The following SLC4A4 variants were observed in gnomAD, a reference collection of about 807,000 sequenced individuals.
SLC4A4 encodes the protein electrogenic sodium bicarbonate cotransporter 1.
In SLC4A4, 27 loss-of-function variants were observed where a neutral mutation model predicts 111.5. The observed-to-expected ratio is 0.24, with a 90% CI of 0.18 to 0.33. The LOEUF (loss-of-function observed/expected upper bound fraction) is 0.33, where lower values mean the gene tolerates loss of function less well. Ranked by LOEUF, SLC4A4 falls within the 10% of genes least tolerant of loss-of-function variation. The pLI, the probability that SLC4A4 is intolerant of heterozygous loss-of-function variation, is 1.00. For missense variants in SLC4A4, 909 were observed against 1,315.5 expected, an observed-to-expected ratio of 0.69 and a Z score of 4.78; for synonymous variants, 443 against 463.4, an observed-to-expected ratio of 0.96 and a Z score of 0.57.
chr4:71,482,433 G>C (rs892048766), intron 14 of SLC4A4, among the ~76,000 whole-genome samples: 1 of 151,554 alleles, frequency 6.6e-6, no homozygotes, highest in Admixed American at 6.6e-5. Context: ...CAGAATTGAT[G>C]CTTATCCAAA....
At chr4:71,084,053 A>G (rs1246753824) in intron 1 of SLC4A4, among the ~76,000 whole-genome samples, 2 of 151,604 alleles carry the variant, frequency 1.3e-5, no homozygotes, top group East Asian at 3.9e-4. Context: ...TGTGTGTTCA[A>G]AAAGGGATGA....
At chr4:71,335,592 G>A (rs180843234) in intron 3 of SLC4A4, among the ~76,000 whole-genome samples, 6 of 152,260 alleles carry the variant, frequency 3.9e-5, no homozygotes, top group East Asian at 1.9e-4. Flanking sequence ...TTGGAGGGCC[G>A]AGGAGCGGGG....
intron 16 of SLC4A4, among the ~76,000 whole-genome samples, chr4:71,527,633 T>C (rs1160011287): frequency 6.6e-6 from 1 of 151,844 alleles, no homozygotes; most frequent in Non-Finnish European, 1.5e-5. Flanking sequence ...CCTATGGGAA[T>C]TTCTGCCAAA....
intron 2 of SLC4A4, among the ~76,000 whole-genome samples, chr4:71,111,524 G>GTTTTTTTTTTT (rs150777420): frequency 1.2e-4 from 7 of 60,818 alleles, no homozygotes; most frequent in Non-Finnish European, 1.4e-4. Flanking sequence ...CCACGCTCAG[G>GTTTTTTTTTTT]TTTTTTTTTT....
intron 1 of SLC4A4, among the ~76,000 whole-genome samples, chr4:71,208,095 C>T (rs1717890120): frequency 1.3e-5 from 2 of 152,188 alleles, no homozygotes; most frequent in African/African-American, 2.4e-5. Context: ...AGATCTGAGC[C>T]ACTGTGCCTG....
intron 14 of SLC4A4, among the ~76,000 whole-genome samples, chr4:71,478,657 T>C (rs1469784840): frequency 6.6e-6 from 1 of 151,158 alleles, no homozygotes; most frequent in African/African-American, 2.4e-5. Context: ...TACCTAATGA[T>C]GGGTTGATGG....
intron 1 of SLC4A4, among the ~76,000 whole-genome samples, chr4:71,222,990 A>T (rs780868376): frequency 2.6e-5 from 4 of 152,122 alleles, no homozygotes; most frequent in Non-Finnish European, 4.4e-5. Flanking sequence ...TGGAAATTAG[A>T]TGCTGTGTGA....
intron 2 of SLC4A4, among the ~76,000 whole-genome samples, chr4:71,158,965 G>T (rs1445614869): frequency 2.0e-5 from 3 of 152,076 alleles, no homozygotes; most frequent in Non-Finnish European, 1.5e-5. Flanking sequence ...TGAAATACCT[G>T]GGTGGATTTC....
At chr4:71,100,713 A>T (rs926839668) in intron 2 of SLC4A4, among the ~76,000 whole-genome samples, 1 of 152,202 alleles carries the variant, frequency 6.6e-6, no homozygotes, top group African/African-American at 2.4e-5. Context: ...GTCTCACCCC[A>T]AAAGCTCCTT....
rs992739679 is a variant in SLC4A4 at position 71,570,880 on chromosome 4, T to C, written c.*3129T>C. The C allele has an allele frequency of 2.0e-5, 3 of 152,072 alleles. No homozygotes were observed. Among genetic ancestry groups the C allele is most frequent in the Non-Finnish European group, 4.4e-5 (3 of 67,874 alleles). 9.4% of individuals were successfully genotyped at this position (152,072 alleles called of 1,614,324 possible). A position where few individuals can be genotyped will look rare whatever the true frequency, so the allele number is the denominator to read the frequency against. On this transcript the variant is annotated 3_prime_UTR_variant, in exon 26 of 26. Transcript: ENST00000264485. ...TTGTTTTGTGTGCCAGGGGCAGTAA[T>C]GTCCCTGCCTCTTCTCCCAATCAAG...
intron 1 of SLC4A4, among the ~76,000 whole-genome samples, chr4:71,069,093 A>G (rs1402898325): frequency 6.6e-6 from 1 of 152,192 alleles, no homozygotes; most frequent in African/African-American, 2.4e-5. Context: ...TACAATACAT[A>G]TTCTCTTTTT....
chr4:71,192,497 T>C (rs1277198609), intron 1 of SLC4A4, among the ~76,000 whole-genome samples: 4 of 152,096 alleles, frequency 2.6e-5, no homozygotes, highest in Non-Finnish European at 5.9e-5. Flanking sequence ...GGCAAATACA[T>C]AGAAAACATT....
At chr4:71,267,082 G>A (rs551784808) in intron 3 of SLC4A4, among the ~76,000 whole-genome samples, 2 of 152,278 alleles carry the variant, frequency 1.3e-5, no homozygotes, top group African/African-American at 4.8e-5. Flanking sequence ...CATGTACCAA[G>A]TACTGTGCTA....
At chr4:71,183,448 G>A (rs1745364731), upstream of SLC4A4, among the ~76,000 whole-genome samples, 1 of 152,194 alleles carries the variant, frequency 6.6e-6, no homozygotes, top group Non-Finnish European at 1.5e-5. Context: ...TAAACCTGGG[G>A]TTTGAGGAAG....
chr4:71,328,141 G>A (rs1387794813), intron 3 of SLC4A4, among the ~76,000 whole-genome samples: 1 of 151,986 alleles, frequency 6.6e-6, no homozygotes, highest in Non-Finnish European at 1.5e-5. Flanking sequence ...CCATCTTATT[G>A]CAAATGACTG....
At chr4:71,070,469 C>G (rs972288522) in intron 1 of SLC4A4, among the ~76,000 whole-genome samples, 2 of 152,206 alleles carry the variant, frequency 1.3e-5, no homozygotes, top group Non-Finnish European at 2.9e-5. Flanking sequence ...ACGACACTTT[C>G]ATATTTTATT....
intron 3 of SLC4A4, among the ~76,000 whole-genome samples, chr4:71,295,325 T>A (rs1297762918): frequency 6.6e-6 from 1 of 152,172 alleles, no homozygotes; most frequent in Non-Finnish European, 1.5e-5. Flanking sequence ...GGGGACAGAT[T>A]AGACCCTGGA....
At chr4:71,211,522 C>T (rs927712623) in intron 1 of SLC4A4, among the ~76,000 whole-genome samples, 1 of 152,116 alleles carries the variant, frequency 6.6e-6, no homozygotes, top group African/African-American at 2.4e-5. Context: ...ATCCTAATTG[C>T]GAATATACCA....
intron 2 of SLC4A4, among the ~76,000 whole-genome samples, chr4:71,164,407 TG>T (rs1744687617): frequency 6.6e-6 from 1 of 151,834 alleles, no homozygotes; most frequent in African/African-American, 2.4e-5. Context: ...AGCATTATTT[TG>T]AAGTTCCTCT....
Sources: gnomAD v4.1 joint callset for allele counts (sites outside exome capture counted in the v4.1 genomes callset) on GRCh38, gnomAD v4.1.1 for gene constraint, MANE v1.5 for transcripts, NCBI Gene and HGNC (gene_info 2026-07-23, HGNC 2026-07-21) for gene names.